The following ZNF525 variants were observed in gnomAD, a reference collection of about 807,000 sequenced individuals.
ZNF525 encodes zinc finger protein 525.
ZNF525 carries 33 observed loss-of-function variants against 37.6 expected under a neutral mutation model. The observed-to-expected ratio is 0.88, with a 90% CI of 0.67 to 1.17. ZNF525 has a LOEUF of 1.17. Among genes scored for constraint, ZNF525 ranks in the 50% most tolerant of loss-of-function variants. ZNF525 has a pLI of 0.00. For missense variants in ZNF525, 449 were observed against 543.1 expected, an observed-to-expected ratio of 0.83 and a Z score of 1.72; for synonymous variants, 170 against 182.3, an observed-to-expected ratio of 0.93 and a Z score of 0.54.
chr19:53,382,571 A>G lies in ZNF525; in HGVS notation c.*552A>G. ...TACTGGAGAGAAACCTTAGAAGTGCAATGAGTGTGGCAAAACCTTTCATAG... is the reference window on the plus strand; with the variant it reads ...TACTGGAGAGAAACCTTAGAAGTGCGATGAGTGTGGCAAAACCTTTCATAG... On this transcript the variant is annotated 3_prime_UTR_variant, in exon 4 of 4. Transcript: ENST00000474037. 1 of 669,092 alleles carries G rather than the reference A, an allele frequency of 1.5e-6. No homozygotes were observed. Among genetic ancestry groups the G allele is most frequent in the South Asian group, 1.5e-5 (1 of 67,996 alleles). 41.4% of individuals were successfully genotyped at this position (669,092 alleles called of 1,614,324 possible). A position where few individuals can be genotyped will look rare whatever the true frequency, so the allele number is the denominator to read the frequency against.
Position 53,372,270 on chromosome 19 carries a change from G to A in ZNF525, c.-12G>A, listed in dbSNP as rs7253268. On this transcript the variant is annotated 5_prime_UTR_variant, in exon 2 of 4. Coordinates refer to ENST00000474037, the MANE Select transcript of ZNF525 (RefSeq NM_001348156.2). ...GGAAGAAACCCGGAAAAGGAAAGCA[G>A]AGGAGTCAGGGATGGCTCTTCCTCA... 0.25 allele frequency: 189,941 copies of A among 768,920 alleles called. 26,240 individuals are homozygous for A. Among genetic ancestry groups the A allele is most frequent in the East Asian group, 0.45 (18,634 of 41,150 alleles). 47.6% of individuals were successfully genotyped at this position (768,920 alleles called of 1,614,324 possible). A position where few individuals can be genotyped will look rare whatever the true frequency, so the allele number is the denominator to read the frequency against.
At chr19:53,372,566 T>G (rs2085495057) in intron 2 of ZNF525, among the ~76,000 whole-genome samples, 1 of 152,110 alleles carries the variant, frequency 6.6e-6, no homozygotes, top group Non-Finnish European at 1.5e-5. Flanking sequence ...GTGGTGTCAG[T>G]GCTGTTGGGC....
chr19:53,375,802 A>C lies in ZNF525; in HGVS notation c.48A>C (p.Glu16Asp). The C allele has an allele frequency of 6.2e-7, 1 of 1,613,964 alleles. No homozygotes were observed. Among genetic ancestry groups the C allele is most frequent in the Non-Finnish European group, 8.5e-7 (1 of 1,179,882 alleles). The change falls in exon 3 of 4, where the codon GAA becomes GAC. Residue 16 changes from glutamate (E) to aspartate (D), a missense_variant. This residue lies in a region of ZNF525 where 271 missense variants were observed against 381.6 expected (regional missense o/e 0.71). Coordinates refer to ENST00000474037, the MANE Select transcript of ZNF525 (RefSeq NM_001348156.2). ...TGACATTCAGGGATGTGGCCATAGAATTCTCTCAGGAGGAGTGGAAATGCC... is the reference window on the plus strand; with the variant it reads ...TGACATTCAGGGATGTGGCCATAGACTTCTCTCAGGAGGAGTGGAAATGCC... ...GLLTFRDVAIEFSQEEWKCLD... is the reference protein window; with the variant it reads ...GLLTFRDVAIDFSQEEWKCLD...
In ZNF525 at chr19:53,385,827, T is replaced by C. The variant is rs2085602067; in HGVS notation, c.*3808T>C. 1 of 160,194 alleles carries C rather than the reference T, an allele frequency of 6.2e-6. No individual in the cohort carries two copies. The highest frequency in any genetic ancestry group is 1.4e-5 in the Non-Finnish European group (1 of 73,002). The allele number at this position is 160,194 out of a possible 1,614,324, so 9.9% of individuals were successfully genotyped here. A position where few individuals can be genotyped will look rare whatever the true frequency, so the allele number is the denominator to read the frequency against. On this transcript the variant is annotated 3_prime_UTR_variant, in exon 4 of 4. Coordinates refer to ENST00000474037, the MANE Select transcript of ZNF525 (RefSeq NM_001348156.2). ...CTTATTTTGAGTTAGGGCAAGACAA[T>C]GTTGACAGTGATGCATGAAGCAGCA...
Position 53,383,179 on chromosome 19 carries a change from C to T in ZNF525, c.*1160C>T. ...AGTGTAATGAGTGTGGCAAGACCTA[C>T]TCTCACAATTCAGTCCTTGTAATTC... is the stretch of plus-strand genomic sequence containing the variant. On this transcript the variant is annotated 3_prime_UTR_variant, in exon 4 of 4. Transcript: ENST00000474037. 1.5e-6 allele frequency: 2 copies of T among 1,362,406 alleles called. No homozygotes were observed. Among genetic ancestry groups the T allele is most frequent in the Non-Finnish European group, 2.1e-6 (2 of 973,708 alleles). 84.4% of individuals were successfully genotyped at this position (1,362,406 alleles called of 1,614,324 possible).
chr19:53,372,671 G>A (rs2085495929), intron 2 of ZNF525, among the ~76,000 whole-genome samples: 1 of 152,184 alleles, frequency 6.6e-6, no homozygotes, highest in Admixed American at 6.5e-5. Flanking sequence ...GCACTAATGT[G>A]CACAAAGTAC....
rs1233655801 is a variant in ZNF525 at position 53,386,203 on chromosome 19, C to A, written c.*4184C>A. 3 of 606,698 alleles carry A rather than the reference C, an allele frequency of 4.9e-6. No homozygotes were observed. Among genetic ancestry groups the A allele is most frequent in the Non-Finnish European group, 9.3e-6 (3 of 323,794 alleles). 37.6% of individuals were successfully genotyped at this position (606,698 alleles called of 1,614,324 possible). ...TTCCTTCTCTTCCATTCTTTGCCAT[C>A]GTGGTGTGTGCTTGACTCTGCTTCT... is the stretch of plus-strand genomic sequence containing the variant. On this transcript the variant is annotated 3_prime_UTR_variant, in exon 4 of 4. Coordinates refer to ENST00000474037, the MANE Select transcript of ZNF525 (RefSeq NM_001348156.2).
chr19:53,376,246 T>TGTTAGGTTTTTGTTTTTGTTA (rs1568758771), intron 3 of ZNF525: 4 of 705,440 alleles, frequency 5.7e-6, no homozygotes, highest in Non-Finnish European at 1.0e-5. Context: ...ACCTAACTAT[T>TGTTAGGTTTTTGTTTTTGTTA]GGCTTTTGTT....
chr19:53,366,756 A>G (rs2085449370), intron 1 of ZNF525, among the ~76,000 whole-genome samples: 1 of 148,836 alleles, frequency 6.7e-6, no homozygotes, highest in African/African-American at 2.6e-5. Flanking sequence ...GAACCACAGC[A>G]GGGAGGACAC....
intron 3 of ZNF525, among the ~76,000 whole-genome samples, chr19:53,380,027 T>A (rs900207857): frequency 1.7e-4 from 26 of 151,908 alleles, no homozygotes; most frequent in Middle Eastern, 3.2e-3. Context: ...AAAAAAAAAA[T>A]TTTAAATGTT....
chr19:53,382,438 C>G lies in ZNF525; in HGVS notation c.*419C>G. The G allele has an allele frequency of 1.2e-6, 1 of 817,850 alleles. No homozygotes were observed. The highest frequency in any genetic ancestry group is 1.3e-5 in the South Asian group (1 of 74,952). The allele number at this position is 817,850 out of a possible 1,614,324, so 50.7% of individuals were successfully genotyped here. On this transcript the variant is annotated 3_prime_UTR_variant, in exon 4 of 4. Coordinates refer to ENST00000474037, the MANE Select transcript of ZNF525 (RefSeq NM_001348156.2). ...TGTGGCAAGACCTTCAGTCAGAAGTCATGCCTTACACGCCATCATAGACTT... is the reference window on the plus strand; with the variant it reads ...TGTGGCAAGACCTTCAGTCAGAAGTGATGCCTTACACGCCATCATAGACTT...
Position 53,383,123 on chromosome 19 carries a change from CAT to C in ZNF525, c.*1106_*1107del. ...TCAACAAGCACACCTTGCACGTCAT[CAT>C]AGAACTCATACTGGAGAGAAACATT... On this transcript the variant is annotated 3_prime_UTR_variant, in exon 4 of 4. Coordinates refer to ENST00000474037, the MANE Select transcript of ZNF525 (RefSeq NM_001348156.2). 3 of 1,316,924 alleles carry C rather than the reference CAT, an allele frequency of 2.3e-6. No homozygotes were observed. The South Asian group carries it at 3.5e-5, about 15-fold the overall frequency. 81.6% of individuals were successfully genotyped at this position (1,316,924 alleles called of 1,614,324 possible).
intron 1 of ZNF525, among the ~76,000 whole-genome samples, chr19:53,370,164 TA>T (rs1386576680): frequency 6.6e-6 from 1 of 150,564 alleles, no homozygotes; most frequent in Non-Finnish European, 1.5e-5. Context: ...CCCACGCCTG[TA>T]ATCCTAGCAC....
Position 53,380,755 on chromosome 19 carries a change from C to T in ZNF525, c.176C>T (p.Ser59Leu), listed in dbSNP as rs746581792. The change falls in exon 4 of 4, where the codon TCA becomes TTA. Residue 59 changes from serine (S) to leucine (L), a missense_variant. Ser to Leu is a moderately radical substitution (Grantham distance 145). Transcript: ENST00000474037. Reference sequence around the variant, plus strand: ...TCCAAATGCACAATGAAGGAGTTCTCATCAACAGCACAAGGCAATACAGAA... The same window carrying T: ...TCCAAATGCACAATGAAGGAGTTCTTATCAACAGCACAAGGCAATACAGAA... ...ISSKCTMKEF[S>L]STAQGNTEVI... 15 of 1,311,446 alleles carry T rather than the reference C, an allele frequency of 1.1e-5. No homozygotes were observed. In the South Asian group the frequency reaches 1.4e-4, roughly 13 times the overall value. 81.2% of individuals were successfully genotyped at this position (1,311,446 alleles called of 1,614,324 possible).
intron 1 of ZNF525, among the ~76,000 whole-genome samples, chr19:53,369,596 T>C (rs1339782513): frequency 6.7e-6 from 1 of 148,188 alleles, no homozygotes; most frequent in Non-Finnish European, 1.5e-5. Context: ...TTTCACTGTT[T>C]TTAAGGTCAA....
intron 3 of ZNF525, among the ~76,000 whole-genome samples, chr19:53,379,722 G>C (rs1488982968): frequency 6.6e-6 from 1 of 152,202 alleles, no homozygotes; most frequent in East Asian, 1.9e-4. Flanking sequence ...CAAAGTGCCA[G>C]CGGGTGCTGT....
chr19:53,377,471 C>T (rs12984457), intron 3 of ZNF525, among the ~76,000 whole-genome samples: 60,556 of 148,406 alleles, frequency 0.41, 14,716 homozygotes, highest in Admixed American at 0.54. Context: ...AAACTGCGCC[C>T]GGCCTATCTG....
intron 1 of ZNF525, among the ~76,000 whole-genome samples, chr19:53,371,895 C>T (rs1453881377): frequency 6.6e-6 from 1 of 152,150 alleles, no homozygotes; most frequent in Non-Finnish European, 1.5e-5. Context: ...GCGATCTACC[C>T]CTCTCAGCCT....
intron 1 of ZNF525, among the ~76,000 whole-genome samples, chr19:53,366,934 A>AGT (rs1460615108): frequency 6.9e-6 from 1 of 144,968 alleles, no homozygotes; most frequent in Non-Finnish European, 1.5e-5. Flanking sequence ...ACAGCGGCTC[A>AGT]GCAGATTTAC....
Sources: allele counts gnomAD v4.1 joint callset (sites outside exome capture counted in the v4.1 genomes callset), GRCh38; gene constraint gnomAD v4.1.1; regional missense constraint gnomAD v4.1.1; transcripts MANE v1.5; gene names NCBI Gene and HGNC (gene_info 2026-07-23, HGNC 2026-07-21).